The following ZNF385D variants were observed in gnomAD, a reference collection of about 807,000 sequenced individuals.
ZNF385D encodes zinc finger protein 385D.
In ZNF385D, 15 loss-of-function variants were observed where a neutral mutation model predicts 35.8. The ratio of observed to expected loss-of-function variants is 0.42; its 90% CI spans 0.28 to 0.64. ZNF385D has a LOEUF of 0.64. Among genes scored for constraint, ZNF385D ranks in the 30% least tolerant of loss-of-function variants. ZNF385D has a pLI of 0.23. For synonymous variants in ZNF385D, 212 were observed against 186.8 expected (o/e 1.13, Z -1.10); for missense variants, 474 against 494.6 (o/e 0.96, Z 0.39).
chr3:21,590,382 T>A (rs1167981550), intron 2 of ZNF385D, among the ~76,000 whole-genome samples: 1 of 152,230 alleles, frequency 6.6e-6, no homozygotes, highest in African/African-American at 2.4e-5. Flanking sequence ...AGATAATGTT[T>A]AATTTTTTAA....
chr3:21,728,062 C>T (rs1279762083), intron 1 of ZNF385D, among the ~76,000 whole-genome samples: 1 of 152,074 alleles, frequency 6.6e-6, no homozygotes, highest in Non-Finnish European at 1.5e-5. Flanking sequence ...CGCATGTTCT[C>T]ACTCATACGT....
At chr3:22,305,933 T>C (rs1175654829) in intron 2 of ZNF385D, among the ~76,000 whole-genome samples, 1 of 152,166 alleles carries the variant, frequency 6.6e-6, no homozygotes, top group Non-Finnish European at 1.5e-5. Flanking sequence ...ACTACCTTCC[T>C]AGGTTAGCAC....
intron 2 of ZNF385D, among the ~76,000 whole-genome samples, chr3:22,329,585 G>C (rs1047366043): frequency 6.6e-6 from 1 of 152,006 alleles, no homozygotes; most frequent in African/African-American, 2.4e-5. Context: ...GTCAATTGTA[G>C]AAAAAAATTT....
chr3:22,212,715 A>G (rs2125263935), intron 2 of ZNF385D, among the ~76,000 whole-genome samples: 1 of 152,194 alleles, frequency 6.6e-6, no homozygotes, highest in South Asian at 2.1e-4. Context: ...TAGGTAAAGC[A>G]TAAAGCCTGT....
At chr3:21,820,625 A>G (rs993358581) in intron 3 of ZNF385D, among the ~76,000 whole-genome samples, 8 of 151,832 alleles carry the variant, frequency 5.3e-5, no homozygotes, top group African/African-American at 1.9e-4. Flanking sequence ...CATGAAAAAT[A>G]CAATAGAAAA....
At chr3:22,004,480 C>A (rs1444521675) in intron 3 of ZNF385D, among the ~76,000 whole-genome samples, 1 of 152,114 alleles carries the variant, frequency 6.6e-6, no homozygotes, top group Non-Finnish European at 1.5e-5. Flanking sequence ...AAACAATCAA[C>A]GGAGTAAAGA....
At chr3:21,610,243 T>C (rs2064628373) in intron 2 of ZNF385D, among the ~76,000 whole-genome samples, 1 of 152,088 alleles carries the variant, frequency 6.6e-6, no homozygotes, top group African/African-American at 2.4e-5. Context: ...GGACAAACAT[T>C]GTGGTGCTAA....
At position 21,453,210 on chromosome 3, in the gene ZNF385D, A is replaced by T. The variant is rs13095088; in HGVS notation, c.440-16007T>A. On this transcript the variant is annotated intron_variant, in intron 4 of 7. Transcript: ENST00000281523. Reference sequence around the variant, plus strand: ...AAGTTGGACCCCTGCCTCACACCGCATGTCATTCAAAATGGATCAGTAACC... The same window carrying T: ...AAGTTGGACCCCTGCCTCACACCGCTTGTCATTCAAAATGGATCAGTAACC... Among the ~76,000 whole-genome samples, 5 of 150,980 alleles carry T rather than the reference A, an allele frequency of 3.3e-5. 1 individual carries two copies. Among genetic ancestry groups the T allele is most frequent in the Admixed American group, 3.3e-4 (5 of 15,144 alleles).
intron 2 of ZNF385D, among the ~76,000 whole-genome samples, chr3:21,641,574 A>G (rs2065606481): frequency 6.8e-6 from 1 of 148,004 alleles, no homozygotes; most frequent in Non-Finnish European, 1.5e-5. Flanking sequence ...CATATCACCA[A>G]CTCTCTATGA....
At chr3:21,767,018 G>A (rs750224064) in intron 3 of ZNF385D, among the ~76,000 whole-genome samples, 87 of 152,092 alleles carry the variant, frequency 5.7e-4, no homozygotes, top group Non-Finnish European at 7.8e-4. Flanking sequence ...AATGTAATTC[G>A]TTCCTTTCAT....
intron 2 of ZNF385D, among the ~76,000 whole-genome samples, chr3:22,328,319 G>A (rs775561874): frequency 4.0e-5 from 6 of 151,518 alleles, no homozygotes; most frequent in Non-Finnish European, 8.8e-5. Flanking sequence ...TTGATTTAGG[G>A]ATTTCTCTTA....
At chr3:21,942,447 G>C (rs976405329) in intron 3 of ZNF385D, 1 of 152,140 alleles carries the variant, frequency 6.6e-6, no homozygotes, top group African/African-American at 2.4e-5. Flanking sequence ...GCATTGTTTA[G>C]AAACTTAGTA....
chr3:22,229,846 T>C (rs1698779150), intron 2 of ZNF385D, among the ~76,000 whole-genome samples: 1 of 152,164 alleles, frequency 6.6e-6, no homozygotes, highest in Admixed American at 6.5e-5. Context: ...TTCCTCCCTT[T>C]TACAGTCACC....
intron 1 of ZNF385D, among the ~76,000 whole-genome samples, chr3:21,727,487 AC>A (rs759301146): frequency 5.3e-5 from 8 of 152,166 alleles, no homozygotes; most frequent in Non-Finnish European, 1.2e-4. Context: ...GAAAAAAACA[AC>A]CCCATCAAAA....
chr3:21,564,714 T>C (rs774663801), intron 2 of ZNF385D, 30 bp from the exon 3 acceptor site: 1 of 1,395,984 alleles, frequency 7.2e-7, no homozygotes, highest in East Asian at 2.4e-5. Flanking sequence ...ATACAACAAA[T>C]AGAAATAAAG....
chr3:22,203,233 C>G (rs371441710), intron 2 of ZNF385D, among the ~76,000 whole-genome samples: 13 of 152,176 alleles, frequency 8.5e-5, no homozygotes, highest in Admixed American at 2.0e-4. Context: ...GGCAGAGATG[C>G]GAGGCCCTCA....
At chr3:22,241,368 C>G (rs1699483039) in intron 2 of ZNF385D, among the ~76,000 whole-genome samples, 1 of 151,146 alleles carries the variant, frequency 6.6e-6, no homozygotes, top group Non-Finnish European at 1.5e-5. Context: ...CTTGTCAATT[C>G]TATATTGGTT....
chr3:22,038,558 AAT>A (rs1430053220), intron 3 of ZNF385D, among the ~76,000 whole-genome samples: 1 of 152,192 alleles, frequency 6.6e-6, no homozygotes, highest in African/African-American at 2.4e-5. Context: ...TACAGGCTGA[AAT>A]AAAATTTATT....
At chr3:21,797,654 C>G (rs1436213761) in intron 3 of ZNF385D, among the ~76,000 whole-genome samples, 1 of 152,146 alleles carries the variant, frequency 6.6e-6, no homozygotes, top group Non-Finnish European at 1.5e-5. Flanking sequence ...AATGGAATAT[C>G]AGTCAAAGCC....
Sources: allele counts gnomAD v4.1 joint callset (sites outside exome capture counted in the v4.1 genomes callset), GRCh38; gene constraint gnomAD v4.1.1; transcripts MANE v1.5; gene names NCBI Gene and HGNC (gene_info 2026-07-23, HGNC 2026-07-21).